SMURF1: variants seen among roughly 807,000 people sequenced by gnomAD.
SMURF1 encodes SMAD specific E3 ubiquitin protein ligase 1, also known as E3 ubiquitin-protein ligase SMURF1.
SMURF1 carries 44 observed loss-of-function variants against 98.0 expected under a neutral mutation model. The ratio of observed to expected loss-of-function variants is 0.45; its 90% CI spans 0.35 to 0.58. The LOEUF is 0.58. Ranked by LOEUF, SMURF1 falls within the 20% of genes least tolerant of loss-of-function variation. The pLI, the probability that SMURF1 is intolerant of heterozygous loss-of-function variation, is 0.00. For missense variants in SMURF1, 687 were observed against 938.4 expected, an observed-to-expected ratio of 0.73 and a Z score of 3.50; for synonymous variants, 396 against 374.9, an observed-to-expected ratio of 1.06 and a Z score of -0.65.
Position 99,057,422 on chromosome 7 carries a change from G to A in SMURF1, c.333C>T (p.Thr111=), listed in dbSNP as rs769997757. The A allele has an allele frequency of 1.4e-5, 22 of 1,611,786 alleles. No individual in the cohort carries two copies. The highest frequency in any genetic ancestry group is 1.1e-4 in the South Asian group (10 of 90,490). The change falls in exon 4 of 18, where the codon ACC becomes ACT. Residue 111 remains threonine, a synonymous_variant. Transcript: ENST00000361368. ...LSNAISRLKD[T]GYQRLDLCKL... is the part of the protein sequence containing the mutation. ...AGGAAAGTGTTTGGTTCTTACATCCGGTATCTTTTAATCTGCTGATGGCAT... is the reference window on the plus strand; with the variant it reads ...AGGAAAGTGTTTGGTTCTTACATCCAGTATCTTTTAATCTGCTGATGGCAT...
chr7:99,066,784 G>GAAAAAA (rs111395590), intron 1 of SMURF1, among the ~76,000 whole-genome samples: 1 of 92,554 alleles, frequency 1.1e-5, no homozygotes, highest in Non-Finnish European at 2.3e-5. Context: ...GTCTCAAAAA[G>GAAAAAA]AAAAAAAAAA....
At position 99,057,288 on chromosome 7, in the gene SMURF1, A is replaced by G. The variant is rs755821414; in HGVS notation, c.338-18T>C. ...ACGCTGGTCTGTAAACAAACAATTC[A>G]AAACTTAACCCAAGGAACGTGAACT... On this transcript the variant is annotated intron_variant, in intron 4 of 17. Transcript: ENST00000361368. 6.2e-7 allele frequency: 1 copy of G among 1,614,180 alleles called. No individual in the cohort carries two copies. The highest frequency in any genetic ancestry group is 8.5e-7 in the Non-Finnish European group (1 of 1,180,028).
rs1201706553 is a variant in SMURF1 at position 99,087,348 on chromosome 7, G to A, written c.56-25511C>T. Among the ~76,000 whole-genome samples the A allele has an allele frequency of 3.3e-5, 5 of 152,112 alleles. 1 individual carries two copies. In the South Asian group the frequency reaches 1.0e-3, roughly 32 times the overall value. ...TTCAATAAGCTATGAGTGCACCACTGCTCTCCAGCCTGAGCAACAGAGAAA... is the reference window on the plus strand; with the variant it reads ...TTCAATAAGCTATGAGTGCACCACTACTCTCCAGCCTGAGCAACAGAGAAA... On this transcript the variant is annotated intron_variant, in intron 1 of 17. Transcript: ENST00000361368.
intron 14 of SMURF1, 87 bp downstream of exon 14, chr7:99,038,301 G>C: frequency 6.8e-7 from 1 of 1,480,518 alleles, no homozygotes; most frequent in African/African-American, 1.4e-5. Flanking sequence ...GGGACATGCA[G>C]GCCTCACACA....
At position 99,122,643 on chromosome 7, in the gene SMURF1, C is replaced by CA. The variant is rs200590592; in HGVS notation, c.55+21082dup. Among the ~76,000 whole-genome samples, 194 of 119,956 alleles carry CA rather than the reference C, an allele frequency of 1.6e-3. 2 individuals carry two copies. The highest frequency in any genetic ancestry group is 5.8e-3 in the African/African-American group (148 of 25,494). 78.7% of individuals were successfully genotyped at this position (119,956 alleles called of 152,430 possible). A position where few individuals can be genotyped will look rare whatever the true frequency, so the allele number is the denominator to read the frequency against. On this transcript the variant is annotated intron_variant, in intron 1 of 17. Coordinates refer to ENST00000361368, the MANE Select transcript of SMURF1 (RefSeq NM_181349.3). ...TGGGTGACAGAGCGAGATTCCGTGT[C>CA]AAAAAAAAAAAAAAAAAAAAGTAGT...
Position 99,038,384 on chromosome 7 carries a change from T to G in SMURF1, c.1688+4A>C. On this transcript the variant is annotated splice_donor_region_variant and intron_variant, in intron 14 of 17. Coordinates refer to ENST00000361368, the MANE Select transcript of SMURF1 (RefSeq NM_181349.3). The stretch of plus-strand genomic sequence containing the variant: ...ACCTGGCCGTCCCCGACAGGTGGCA[T>G]TACCGGACGTATTCTTTCTTATTCT... The G allele has an allele frequency of 6.2e-7, 1 of 1,613,774 alleles. No homozygotes were observed. The highest frequency in any genetic ancestry group is 2.2e-5 in the East Asian group (1 of 44,878).
At chr7:99,064,314 G>A (rs1462869185) in intron 1 of SMURF1, among the ~76,000 whole-genome samples, 13 of 152,024 alleles carry the variant, frequency 8.6e-5, no homozygotes, top group East Asian at 3.9e-4. Context: ...CCTCCTCCTC[G>A]TCTTTTTGTT....
chr7:99,088,026 G>A (rs1296266237), intron 1 of SMURF1, among the ~76,000 whole-genome samples: 1 of 152,056 alleles, frequency 6.6e-6, no homozygotes, highest in African/African-American at 2.4e-5. Flanking sequence ...GGAGGCCGAG[G>A]CAGGTGGATC....
chr7:99,063,276 T>TAAG (rs1796102486), intron 1 of SMURF1, among the ~76,000 whole-genome samples: 3 of 13,676 alleles, frequency 2.2e-4, no homozygotes, highest in Non-Finnish European at 6.7e-4. Context: ...TATATATATA[T>TAAG]ATATATATAT....
chr7:99,041,109 TAAC>T (rs1256460293), intron 12 of SMURF1, among the ~76,000 whole-genome samples: 10 of 152,118 alleles, frequency 6.6e-5, no homozygotes, highest in African/African-American at 2.2e-4. Context: ...CCAAATCAAA[TAAC>T]AATCCTAGGC....
At chr7:99,123,960 C>A (rs1013874029) in intron 1 of SMURF1, among the ~76,000 whole-genome samples, 1 of 152,164 alleles carries the variant, frequency 6.6e-6, no homozygotes, top group African/African-American at 2.4e-5. Context: ...GCAACAACAA[C>A]CTGATGGGGT....
At chr7:99,053,926 G>C (rs1282891935) in intron 6 of SMURF1, among the ~76,000 whole-genome samples, 4 of 152,064 alleles carry the variant, frequency 2.6e-5, no homozygotes, top group African/African-American at 9.7e-5. Context: ...ATTCATGGCA[G>C]TTATAATTCT....
rs1796339694 is a variant in SMURF1 at position 99,072,157 on chromosome 7, G to A, written c.56-10320C>T. 6.6e-5 allele frequency among the ~76,000 whole-genome samples: 10 copies of A among 152,200 alleles called. No homozygotes were observed. In the South Asian group the frequency reaches 2.1e-3, roughly 32 times the overall value. On this transcript the variant is annotated intron_variant, in intron 1 of 17. Transcript: ENST00000361368. ...GTAATAGCAAGAGAAAGCAATGTCA[G>A]TATTTTCTCTCTCTGTGTTCTACCA...
rs1795105771 is a variant in SMURF1 at position 99,035,626 on chromosome 7, G to A, written c.1900C>T (p.Arg634Trp). 3.1e-6 allele frequency: 5 copies of A among 1,614,190 alleles called. No homozygotes were observed. Among genetic ancestry groups the A allele is most frequent in the African/African-American group, 1.3e-5 (1 of 75,034 alleles). The change falls in exon 16 of 18, where the codon CGG (arginine) becomes TGG (tryptophan). Residue 634 changes from arginine to tryptophan, a missense_variant. By Grantham distance (101) the Arg-to-Trp change is moderately radical. Transcript: ENST00000361368. ...GTCTCCACCGCTTGCCAGAACCACC[G>A]CACGATGTTGCTGTCGGCCACACAG... The part of the protein sequence containing the change: ...KHCVADSNIV[R>W]WFWQAVETFD...
At chr7:99,034,319 C>G (rs1795037430) in intron 16 of SMURF1, among the ~76,000 whole-genome samples, 1 of 152,254 alleles carries the variant, frequency 6.6e-6, no homozygotes, top group Non-Finnish European at 1.5e-5. Context: ...TTGGAGGACA[C>G]TGGGCTAAAG....
intron 1 of SMURF1, among the ~76,000 whole-genome samples, chr7:99,086,961 GATGA>G (rs1274487359): frequency 6.6e-6 from 1 of 152,176 alleles, no homozygotes; most frequent in African/African-American, 2.4e-5. Flanking sequence ...TTTTTCGGGT[GATGA>G]AACTATTCTG....
At chr7:99,140,522 G>A (rs1243245748) in intron 1 of SMURF1, among the ~76,000 whole-genome samples, 1 of 152,002 alleles carries the variant, frequency 6.6e-6, no homozygotes, top group South Asian at 2.1e-4. Flanking sequence ...TCCTGACCTC[G>A]TGATCCGCCC....
chr7:99,078,507 C>T (rs1180832742), intron 1 of SMURF1, among the ~76,000 whole-genome samples: 2 of 152,196 alleles, frequency 1.3e-5, no homozygotes. Context: ...TCAACCCCCC[C>T]TCCCCTGCAC....
intron 1 of SMURF1, among the ~76,000 whole-genome samples, chr7:99,094,994 T>A (rs989810241): frequency 6.6e-6 from 1 of 152,218 alleles, no homozygotes; most frequent in Non-Finnish European, 1.5e-5. Context: ...CACTTCTGTG[T>A]GCACTGTCTC....
Sources: gnomAD v4.1 joint callset for allele counts (sites outside exome capture counted in the v4.1 genomes callset) on GRCh38, gnomAD v4.1.1 for gene constraint, MANE v1.5 for transcripts, NCBI Gene and HGNC (gene_info 2026-07-23, HGNC 2026-07-21) for gene names.